The following GBE1 variants were observed in gnomAD, a reference collection of about 807,000 sequenced individuals.
The protein encoded by GBE1 is 1,4-alpha-glucan-branching enzyme.
A neutral mutation model predicts 88.8 loss-of-function variants in GBE1; 70 were observed. The observed-to-expected ratio is 0.79, with a 90% confidence interval of 0.65 to 0.96. The LOEUF is 0.96. Ranked by LOEUF, GBE1 falls within the 40% of genes least tolerant of loss-of-function variation. The pLI is 0.00. For missense variants in GBE1, 872 were observed against 871.0 expected (o/e 1.00, Z -0.01); for synonymous variants, 284 against 300.1 (o/e 0.95, Z 0.56).
At chr3:81,715,843 T>TA (rs962592699) in intron 1 of GBE1, among the ~76,000 whole-genome samples, 2 of 151,910 alleles carry the variant, frequency 1.3e-5, no homozygotes, top group Non-Finnish European at 2.9e-5. Context: ...TCTTTCTTTT[T>TA]AAAAAAAATA....
At chr3:81,659,918 C>A (rs373556037) in intron 3 of GBE1, among the ~76,000 whole-genome samples, 1 of 152,078 alleles carries the variant, frequency 6.6e-6, no homozygotes, top group African/African-American at 2.4e-5. Flanking sequence ...TTTAAATATT[C>A]TTTACAAATT....
rs1316974233 is a variant in GBE1 at position 81,705,513 on chromosome 3, C to T, written c.244G>A (p.Ala82Thr). ...GYESFGVHRC[A>T]DGGLYCKEWA... ...TCTTTGCAGTATAAACCACCATCAG[C>T]ACATCTGTGGACGCCAAATGATTCA... Residue 82 changes from alanine (A) to threonine (T), a missense_variant, in exon 2 of 16, where the codon GCT (alanine) becomes ACT (threonine). Transcript: ENST00000429644. The T allele has an allele frequency of 6.2e-7, 1 of 1,603,504 alleles. No homozygotes were observed. The highest frequency in any genetic ancestry group is 1.3e-5 in the African/African-American group (1 of 74,790).
chr3:81,664,011 G>A (rs1249548977), intron 3 of GBE1, among the ~76,000 whole-genome samples: 2 of 151,656 alleles, frequency 1.3e-5, no homozygotes, highest in Non-Finnish European at 2.9e-5. Flanking sequence ...AAGGGGCTGT[G>A]CATAGAAAAA....
intron 14 of GBE1, chr3:81,534,962 A>G: frequency 7.6e-6 from 3 of 393,898 alleles, no homozygotes; most frequent in South Asian, 5.9e-5. Context: ...GATGTGAACC[A>G]CGTCTGCACT....
At chr3:81,645,260 T>C (rs1704747027) in intron 6 of GBE1, among the ~76,000 whole-genome samples, 1 of 152,078 alleles carries the variant, frequency 6.6e-6, no homozygotes, top group Non-Finnish European at 1.5e-5. Flanking sequence ...CAATATTTAG[T>C]GGTAGTAAAG....
At chr3:81,721,605 T>C (rs1706037203) in intron 1 of GBE1, among the ~76,000 whole-genome samples, 1 of 152,204 alleles carries the variant, frequency 6.6e-6, no homozygotes, top group Non-Finnish European at 1.5e-5. Context: ...AATTATACAG[T>C]ATTATAAATT....
chr3:81,750,647 A>ATATATATATGTATATATATATATACG lies in GBE1; in HGVS notation c.143+10727_143+10728insCGTATATATATATATACATATATATA. Among the ~76,000 whole-genome samples the ATATATATATGTATATATATATATACG allele has an allele frequency of 4.1e-5, 2 of 48,358 alleles. 1 individual carries two copies. The highest frequency in any genetic ancestry group is 2.5e-3 in the East Asian group (2 of 814). 31.7% of individuals were successfully genotyped at this position (48,358 alleles called of 152,430 possible). The stretch of plus-strand genomic sequence containing the variant: ...TATATATACGTATATATATATATGT[A>ATATATATATGTATATATATATATACG]TATATATATATGTATATATATATAT... On this transcript the variant is annotated intron_variant, in intron 1 of 15. Transcript: ENST00000429644.
intron 3 of GBE1, among the ~76,000 whole-genome samples, chr3:81,662,193 C>T (rs752548344): frequency 3.3e-5 from 5 of 152,010 alleles, no homozygotes; most frequent in Admixed American, 2.6e-4. Context: ...CCACCACACC[C>T]GGCTAATTTT....
chr3:81,525,060 T>C (rs761906177), intron 14 of GBE1, among the ~76,000 whole-genome samples: 1 of 151,922 alleles, frequency 6.6e-6, no homozygotes, highest in East Asian at 1.9e-4. Context: ...AATGTGTTTG[T>C]ATAGTTTCTA....
At chr3:81,576,863 T>C (rs1703654380) in intron 12 of GBE1, among the ~76,000 whole-genome samples, 1 of 152,188 alleles carries the variant, frequency 6.6e-6, no homozygotes, top group Middle Eastern at 3.4e-3. Context: ...AACCTCCAGT[T>C]AGTAAAAAAT....
intron 3 of GBE1, among the ~76,000 whole-genome samples, chr3:81,652,448 G>A (rs769584597): frequency 1.3e-5 from 2 of 152,126 alleles, no homozygotes; most frequent in Non-Finnish European, 2.9e-5. Context: ...CAAAGGTTCT[G>A]TCTTCTGCTA....
At position 81,653,856 on chromosome 3, in the gene GBE1, G is replaced by A. The variant is rs143411175; in HGVS notation, c.430-3935C>T. On this transcript the variant is annotated intron_variant, in intron 3 of 15. Coordinates refer to ENST00000429644, the MANE Select transcript of GBE1 (RefSeq NM_000158.4). Reference sequence around the variant, plus strand: ...AGTAGTTTTTATTTTTTAGCTATACGTTTTGATATTATCACTTCATTTACT... The same window carrying A: ...AGTAGTTTTTATTTTTTAGCTATACATTTTGATATTATCACTTCATTTACT... Among the ~76,000 whole-genome samples the A allele has an allele frequency of 4.1e-3, 629 of 152,088 alleles. 8 individuals carry two copies. The highest frequency in any genetic ancestry group is 0.014 in the Middle Eastern group (4 of 294).
At chr3:81,513,830 G>A (rs907182354) in intron 14 of GBE1, among the ~76,000 whole-genome samples, 22 of 151,596 alleles carry the variant, frequency 1.5e-4, no homozygotes, top group Non-Finnish European at 1.6e-4. Context: ...ATGAATAGGT[G>A]TTCTAGAGAT....
intron 12 of GBE1, among the ~76,000 whole-genome samples, chr3:81,548,360 A>G (rs1398371220): frequency 6.6e-6 from 1 of 151,516 alleles, no homozygotes; most frequent in Non-Finnish European, 1.5e-5. Context: ...ACACTAATGT[A>G]AAGGTGAAAT....
chr3:81,631,887 G>A (rs1257436500), intron 7 of GBE1, among the ~76,000 whole-genome samples: 2 of 152,064 alleles, frequency 1.3e-5, no homozygotes, highest in Admixed American at 1.3e-4. Context: ...ATGTGCCGTG[G>A]TCATCTACAT....
chr3:81,656,363 C>T (rs558353099), intron 3 of GBE1, among the ~76,000 whole-genome samples: 10 of 152,156 alleles, frequency 6.6e-5, no homozygotes, highest in African/African-American at 1.7e-4. Context: ...AGGATACTAG[C>T]GAAGGAATGC....
rs1379275282 is a variant in GBE1, at chr3:81,527,362, T to A, written c.1934+7833A>T. Among the ~76,000 whole-genome samples the A allele has an allele frequency of 3.3e-5, 5 of 151,420 alleles. No individual in the cohort carries two copies. In the East Asian group the frequency reaches 5.9e-4, roughly 18 times the overall value. On this transcript the variant is annotated intron_variant, in intron 14 of 15. Transcript: ENST00000429644. ...AAGCAATGGCAACAAAAGCCAAAATTGACAAATGGGATCTAATTAAACTAA... is the reference window on the plus strand; with the variant it reads ...AAGCAATGGCAACAAAAGCCAAAATAGACAAATGGGATCTAATTAAACTAA...
chr3:81,581,372 A>G (rs1365506245), intron 10 of GBE1, 97 bp from the exon 11 acceptor site: 1 of 692,614 alleles, frequency 1.4e-6, no homozygotes. Flanking sequence ...AGTGCAAACT[A>G]TTTGATAAGC....
chr3:81,492,750 T>C (rs1410766349), intron 15 of GBE1, among the ~76,000 whole-genome samples: 2 of 151,532 alleles, frequency 1.3e-5, no homozygotes, highest in African/African-American at 2.4e-5. Flanking sequence ...TTCTTTCTTT[T>C]TTTTTTTACA....
Sources: allele counts gnomAD v4.1 joint callset (sites outside exome capture counted in the v4.1 genomes callset), GRCh38; gene constraint gnomAD v4.1.1; transcripts MANE v1.5; gene names NCBI Gene and HGNC (gene_info 2026-07-23, HGNC 2026-07-21).